The following ARHGEF11 variants were observed in gnomAD, a reference collection of about 807,000 sequenced individuals.
ARHGEF11 encodes the protein Rho guanine exchange factor (GEF) 11.
Under a neutral mutation model 193.7 loss-of-function variants are expected in ARHGEF11, and 55 were observed. The ratio of observed to expected loss-of-function variants is 0.28; its 90% CI spans 0.23 to 0.36. The LOEUF is 0.36. Among genes scored for constraint, ARHGEF11 ranks in the 10% least tolerant of loss-of-function variants. The pLI is 1.00. For synonymous variants in ARHGEF11, 693 were observed against 768.0 expected (o/e 0.90, Z 1.62); for missense variants, 1,723 against 2,005.6 (o/e 0.86, Z 2.69).
rs1408276295 is a variant in ARHGEF11, at chr1:156,936,797, G to C, written c.4630+19C>G. 6.2e-7 allele frequency: 1 copy of C among 1,606,964 alleles called. No individual in the cohort carries two copies. Among genetic ancestry groups the C allele is most frequent in the East Asian group, 2.2e-5 (1 of 44,738 alleles). ...TCTCCCCCAATGGTAGGAACCGAGA[G>C]GGACCTGGCTTCACTCACCATCCTC... On this transcript the variant is annotated intron_variant, in intron 40 of 40. Transcript: ENST00000368194.
rs1250818667 is a variant in ARHGEF11 at position 157,045,455 on chromosome 1, G to A, written c.-1125C>T. The A allele has an allele frequency of 6.6e-6, 1 of 152,204 alleles. No individual in the cohort carries two copies. The highest frequency in any genetic ancestry group is 6.5e-5 in the Admixed American group (1 of 15,282). 9.4% of individuals were successfully genotyped at this position (152,204 alleles called of 1,614,324 possible). On this transcript the variant is annotated 5_prime_UTR_variant, in exon 1 of 41. Transcript: ENST00000368194. ...ATTATTCGTTCGGATTATTATTGTG[G>A]ATTTGAGTTCGAGGTGGGTTTTTCT...
chr1:156,977,019 G>A lies in ARHGEF11; in HGVS notation c.546C>T (p.Leu182=). The change falls in exon 7 of 41, where the codon CTC becomes CTT. Residue 182 remains leucine, a synonymous_variant. Transcript: ENST00000368194. ...TTTCTTCCTGCCTCAGCATATTCCT[G>A]AGGATCTGGGTGGCATGTTTTTGAA... ...PEVQKHATQI[L]RNMLRQEEKE... 1.9e-6 allele frequency: 3 copies of A among 1,613,966 alleles called. No homozygotes were observed. Among genetic ancestry groups the A allele is most frequent in the South Asian group, 1.1e-5 (1 of 91,064 alleles).
At chr1:156,963,393 G>C (rs952507617) in intron 12 of ARHGEF11, 89 bp from the exon 13 acceptor site, 1 of 1,489,472 alleles carries the variant, frequency 6.7e-7, no homozygotes, top group Non-Finnish European at 9.3e-7. Context: ...CCCCGTCCTG[G>C]GTTCATAACA....
intron 11 of ARHGEF11, among the ~76,000 whole-genome samples, chr1:156,966,201 T>C (rs2102241888): frequency 6.6e-6 from 1 of 152,282 alleles, no homozygotes; most frequent in South Asian, 2.1e-4. Flanking sequence ...TCTCCCTCAT[T>C]ATCCAAATTA....
chr1:156,996,811 C>T (rs1343750892), intron 1 of ARHGEF11, among the ~76,000 whole-genome samples: 2 of 147,064 alleles, frequency 1.4e-5, no homozygotes, highest in African/African-American at 2.5e-5. Context: ...GGTCTCCATC[C>T]TGATTCTGCC....
intron 35 of ARHGEF11, 108 bp downstream of exon 35, chr1:156,941,264 A>C: frequency 2.0e-6 from 2 of 1,010,400 alleles, no homozygotes; most frequent in Non-Finnish European, 3.1e-6. Flanking sequence ...TCAAAACCTC[A>C]CACCCCGGGC....
intron 33 of ARHGEF11, 62 bp downstream of exon 33, chr1:156,942,628 A>C: frequency 6.6e-7 from 1 of 1,523,120 alleles, no homozygotes; most frequent in Non-Finnish European, 9.1e-7. Context: ...CACTGTCCTC[A>C]TAAACACCAC....
At chr1:156,964,608 T>C (rs1661442579) in intron 11 of ARHGEF11, among the ~76,000 whole-genome samples, 1 of 152,310 alleles carries the variant, frequency 6.6e-6, no homozygotes, top group Non-Finnish European at 1.5e-5. Flanking sequence ...ATGCCCAGAA[T>C]GACTGAGTCA....
chr1:156,986,214 G>C lies in ARHGEF11; in HGVS notation c.33-41C>G, dbSNP rs926186467. ...GGAAAGCATGTCAATGAGCTCAGCAGGGGGGATCAGCCTTGTAGTAGATGG... is the reference window on the plus strand; with the variant it reads ...GGAAAGCATGTCAATGAGCTCAGCACGGGGGATCAGCCTTGTAGTAGATGG... On this transcript the variant is annotated intron_variant, in intron 1 of 40. Coordinates refer to ENST00000368194, the MANE Select transcript of ARHGEF11 (RefSeq NM_198236.3). 9 of 1,538,274 alleles carry C rather than the reference G, an allele frequency of 5.9e-6. No individual in the cohort carries two copies. The East Asian group carries it at 6.8e-5, about 12-fold the overall frequency.
At chr1:157,025,790 T>C (rs548721831) in intron 1 of ARHGEF11, among the ~76,000 whole-genome samples, 1 of 152,238 alleles carries the variant, frequency 6.6e-6, no homozygotes, top group African/African-American at 2.4e-5. Context: ...AAGTGTGTCC[T>C]ATGGGAACCC....
intron 11 of ARHGEF11, 100 bp downstream of exon 11, chr1:156,967,887 G>A (rs1341336880): frequency 1.3e-6 from 2 of 1,562,346 alleles, no homozygotes; most frequent in Non-Finnish European, 1.8e-6. Flanking sequence ...TGAAGCAGGG[G>A]TTTAGTCTGA....
intron 9 of ARHGEF11, 117 bp from the exon 10 acceptor site, chr1:156,969,475 C>A: frequency 1.1e-6 from 1 of 934,816 alleles, no homozygotes; most frequent in Non-Finnish European, 1.7e-6. Context: ...TTTTCTTTCA[C>A]CAGTTTCCCT....
chr1:156,997,676 A>G (rs1666714798), intron 1 of ARHGEF11, among the ~76,000 whole-genome samples: 1 of 152,164 alleles, frequency 6.6e-6, no homozygotes, highest in Non-Finnish European at 1.5e-5. Context: ...TGTGGCTAAG[A>G]GCACCAGAAA....
intron 8 of ARHGEF11, among the ~76,000 whole-genome samples, chr1:156,970,417 G>A (rs1269721882): frequency 6.6e-6 from 1 of 152,230 alleles, no homozygotes; most frequent in Non-Finnish European, 1.5e-5. Flanking sequence ...AGATCTTTGA[G>A]GAGGATGGAC....
chr1:156,973,215 A>G, intron 7 of ARHGEF11, among the ~76,000 whole-genome samples: 1 of 152,228 alleles, frequency 6.6e-6, no homozygotes, highest in Non-Finnish European at 1.5e-5. Context: ...GGCATGAGCC[A>G]CCATGCCCAG....
intron 13 of ARHGEF11, among the ~76,000 whole-genome samples, chr1:156,962,684 C>A (rs1338940883): frequency 6.6e-6 from 1 of 151,868 alleles, no homozygotes; most frequent in East Asian, 1.9e-4. Context: ...CGAGACCATC[C>A]TGGCTAATAC....
At chr1:156,980,310 C>T (rs1316713947) in intron 4 of ARHGEF11, 127 bp downstream of exon 4, 1 of 1,114,698 alleles carries the variant, frequency 9.0e-7, no homozygotes, top group Non-Finnish European at 1.3e-6. Context: ...TATGGTACCA[C>T]TCCTAACTCA....
intron 1 of ARHGEF11, among the ~76,000 whole-genome samples, chr1:157,033,888 A>G (rs1671593849): frequency 1.3e-5 from 2 of 152,144 alleles, no homozygotes; most frequent in Non-Finnish European, 2.9e-5. Flanking sequence ...CCAGTGCTTC[A>G]ACTGTTATCA....
chr1:157,038,405 T>C (rs1672331433), intron 1 of ARHGEF11, among the ~76,000 whole-genome samples: 1 of 152,198 alleles, frequency 6.6e-6, no homozygotes, highest in Non-Finnish European at 1.5e-5. Context: ...CTTAAGGAAG[T>C]CAACAATGGT....
Sources: gnomAD v4.1 joint callset for allele counts (sites outside exome capture counted in the v4.1 genomes callset) on GRCh38, gnomAD v4.1.1 for gene constraint, MANE v1.5 for transcripts, NCBI Gene and HGNC (gene_info 2026-07-23, HGNC 2026-07-21) for gene names.